PALS1: variants seen among roughly 807,000 people sequenced by gnomAD.
The protein encoded by PALS1 is protein associated with LIN7 1, MAGUK p55 family member, also known as protein PALS1.
In PALS1, 31 loss-of-function variants were observed where a neutral mutation model predicts 78.9. The ratio of observed to expected loss-of-function variants is 0.39; its 90% confidence interval spans 0.30 to 0.53. PALS1 has a LOEUF of 0.53. PALS1 is among the 20% of genes least tolerant of loss of function. The pLI is 0.67. For missense variants in PALS1, 704 were observed against 826.5 expected (o/e 0.85, Z 1.82); for synonymous variants, 276 against 270.9 (o/e 1.02, Z -0.18).
At chr14:67,332,577 A>T (rs1028069932) in intron 14 of PALS1, among the ~76,000 whole-genome samples, 2 of 152,196 alleles carry the variant, frequency 1.3e-5, no homozygotes, top group African/African-American at 4.8e-5. Flanking sequence ...TGAGTCCCAG[A>T]TGGTTCATAA....
At chr14:67,324,333 T>C (rs547904503) in intron 14 of PALS1, among the ~76,000 whole-genome samples, 74 of 152,312 alleles carry the variant, frequency 4.9e-4, no homozygotes, top group African/African-American at 1.7e-3. Context: ...GATAACATGT[T>C]ATTAATAAGA....
chr14:67,306,381 G>A (rs1046812893), intron 8 of PALS1, among the ~76,000 whole-genome samples: 1 of 151,920 alleles, frequency 6.6e-6, no homozygotes, highest in African/African-American at 2.4e-5. Context: ...GTCTTGCTCT[G>A]TCGCCCAGGC....
At chr14:67,267,861 G>A (rs116476416) in intron 1 of PALS1, among the ~76,000 whole-genome samples, 1 of 152,114 alleles carries the variant, frequency 6.6e-6, no homozygotes, top group South Asian at 2.1e-4. Context: ...GTCTGGCATT[G>A]TGTTTTTGAG....
intron 8 of PALS1, among the ~76,000 whole-genome samples, chr14:67,304,828 G>T (rs2084977358): frequency 6.6e-6 from 1 of 152,124 alleles, no homozygotes; most frequent in Admixed American, 6.5e-5. Context: ...ACTTTAAAGT[G>T]TTGAATTAAC....
chr14:67,314,502 A>T (rs911397388), intron 9 of PALS1, among the ~76,000 whole-genome samples: 2 of 152,218 alleles, frequency 1.3e-5, no homozygotes, highest in African/African-American at 4.8e-5. Context: ...TTAGAGTATG[A>T]TGCTAAAACC....
Position 67,279,089 on chromosome 14 carries a change from G to T in PALS1, c.-82G>T. On this transcript the variant is annotated 5_prime_UTR_variant, in exon 3 of 15. Transcript: ENST00000261681. ...AAGTTTTTTTTTTTGAAGTAACATGGATTTTATACTACAGAATCAAGAGAA... is the reference window on the plus strand; with the variant it reads ...AAGTTTTTTTTTTTGAAGTAACATGTATTTTATACTACAGAATCAAGAGAA... The T allele has an allele frequency of 4.6e-6, 6 of 1,318,432 alleles. No homozygotes were observed. The East Asian group carries it at 7.8e-5, about 17-fold the overall frequency. The allele number at this position is 1,318,432 out of a possible 1,614,324, so 81.7% of individuals were successfully genotyped here.
intron 1 of PALS1, among the ~76,000 whole-genome samples, chr14:67,247,210 T>C (rs2084000958): frequency 6.6e-6 from 1 of 152,246 alleles, no homozygotes. Context: ...GTGAGTATTG[T>C]AGTTTTCAAT....
At chr14:67,292,977 T>A (rs565716332) in intron 4 of PALS1, among the ~76,000 whole-genome samples, 1 of 152,290 alleles carries the variant, frequency 6.6e-6, no homozygotes, top group Non-Finnish European at 1.5e-5. Context: ...GTAACAAATA[T>A]TTGAATTACT....
chr14:67,273,468 C>T (rs2084447349), intron 2 of PALS1, among the ~76,000 whole-genome samples: 1 of 152,172 alleles, frequency 6.6e-6, no homozygotes, highest in Admixed American at 6.5e-5. Context: ...TTTTTTATGG[C>T]TGCATAGTAT....
chr14:67,267,378 C>G (rs1324588556), intron 1 of PALS1, among the ~76,000 whole-genome samples: 1 of 152,044 alleles, frequency 6.6e-6, no homozygotes, highest in South Asian at 2.1e-4. Flanking sequence ...CCTGCCTCCC[C>G]CTCCCAAGTA....
At chr14:67,248,165 ACT>A (rs1040725994) in intron 1 of PALS1, among the ~76,000 whole-genome samples, 9 of 152,078 alleles carry the variant, frequency 5.9e-5, no homozygotes, top group Non-Finnish European at 8.8e-5. Context: ...TCTGGGACTA[ACT>A]CTGGGGTTAT....
intron 12 of PALS1, 33 bp from the exon 13 acceptor site, chr14:67,321,024 G>C: frequency 6.3e-7 from 1 of 1,589,446 alleles, no homozygotes; most frequent in Non-Finnish European, 8.6e-7. Context: ...TCTAAGCCAT[G>C]CCTGTTATTT....
At chr14:67,301,849 C>G (rs760418228) in intron 5 of PALS1, 123 bp from the exon 6 acceptor site, 32 of 1,082,742 alleles carry the variant, frequency 3.0e-5, no homozygotes, top group Non-Finnish European at 3.7e-5. Flanking sequence ...TTATTATTAG[C>G]TCTAATTAAT....
At chr14:67,285,366 ATT>A (rs767382946) in intron 3 of PALS1, among the ~76,000 whole-genome samples, 11 of 137,790 alleles carry the variant, frequency 8.0e-5, no homozygotes, top group Non-Finnish European at 6.3e-5. Context: ...CCTTAGGTAA[ATT>A]TTTTTTTTTT....
intron 8 of PALS1, among the ~76,000 whole-genome samples, chr14:67,307,476 A>T (rs1482763914): frequency 6.6e-6 from 1 of 152,242 alleles, no homozygotes; most frequent in Non-Finnish European, 1.5e-5. Context: ...TGTTTAATAC[A>T]TATAAGCTAT....
At chr14:67,241,940 A>G (rs1226212159) in intron 1 of PALS1, 1 of 152,158 alleles carries the variant, frequency 6.6e-6, no homozygotes, top group Non-Finnish European at 1.5e-5. Flanking sequence ...GCTTTCCTTT[A>G]GAAGTCAGAA....
In PALS1 at chr14:67,332,968, A is replaced by G; in HGVS notation, c.*12A>G. ...CTTGGCTGAGGTGAAAGAAACATCC[A>G]TTCTGTGGCATGTTGGACTTGATCT... On this transcript the variant is annotated 3_prime_UTR_variant, in exon 15 of 15. Coordinates refer to ENST00000261681, the MANE Select transcript of PALS1 (RefSeq NM_022474.4). The G allele has an allele frequency of 6.3e-7, 1 of 1,593,030 alleles. No individual in the cohort carries two copies. The highest frequency in any genetic ancestry group is 8.6e-7 in the Non-Finnish European group (1 of 1,164,578).
chr14:67,331,712 A>G (rs1005129484), intron 14 of PALS1, among the ~76,000 whole-genome samples: 57 of 152,182 alleles, frequency 3.7e-4, no homozygotes, highest in African/African-American at 1.3e-3. Context: ...AAATTTGATA[A>G]AAACTAGGTG....
intron 3 of PALS1, among the ~76,000 whole-genome samples, chr14:67,292,082 T>G (rs745863809): frequency 7.2e-5 from 11 of 152,186 alleles, no homozygotes; most frequent in Non-Finnish European, 1.5e-4. Context: ...AATTATGGTT[T>G]AGCCATGTAA....
Sources: gnomAD v4.1 joint callset for allele counts (sites outside exome capture counted in the v4.1 genomes callset) on GRCh38, gnomAD v4.1.1 for gene constraint, MANE v1.5 for transcripts, NCBI Gene and HGNC (gene_info 2026-07-23, HGNC 2026-07-21) for gene names.